SCCPDH: variants seen among roughly 807,000 people sequenced by gnomAD.
SCCPDH encodes saccharopine dehydrogenase-like oxidoreductase.
In SCCPDH, 34 loss-of-function variants were observed where a neutral mutation model predicts 51.5. The ratio of observed to expected loss-of-function variants is 0.66; its 90% CI spans 0.50 to 0.88. The LOEUF (loss-of-function observed/expected upper bound fraction) is 0.88, where lower values mean the gene tolerates loss of function less well. SCCPDH is among the 40% of genes least tolerant of loss of function. SCCPDH has a pLI of 0.00. For missense variants in SCCPDH, 464 were observed against 527.1 expected (o/e 0.88, Z 1.17); for synonymous variants, 187 against 191.3 (o/e 0.98, Z 0.19).
chr1:246,764,151 A>T, intron 9 of SCCPDH, 95 bp from the exon 10 acceptor site: 1 of 707,432 alleles, frequency 1.4e-6, no homozygotes, highest in Non-Finnish European at 2.5e-6. Flanking sequence ...TCATCTATTG[A>T]CAATGTCTCA....
At chr1:246,754,709 T>C (rs1260675918) in intron 5 of SCCPDH, among the ~76,000 whole-genome samples, 1 of 152,248 alleles carries the variant, frequency 6.6e-6, no homozygotes, top group Non-Finnish European at 1.5e-5. Context: ...CCGTTTCACC[T>C]AGGTTATCTA....
intron 5 of SCCPDH, among the ~76,000 whole-genome samples, chr1:246,748,040 C>T (rs1213985569): frequency 6.6e-6 from 1 of 152,120 alleles, no homozygotes; most frequent in African/African-American, 2.4e-5. Context: ...CCTACAATTT[C>T]CCCCCTTTCA....
At chr1:246,747,872 G>GTA (rs1397040741) in intron 5 of SCCPDH, among the ~76,000 whole-genome samples, 1 of 152,164 alleles carries the variant, frequency 6.6e-6, no homozygotes, top group Non-Finnish European at 1.5e-5. Flanking sequence ...ACTGAAACTA[G>GTA]GGTCAAGGAG....
chr1:246,762,046 C>G (rs150784924), intron 9 of SCCPDH, among the ~76,000 whole-genome samples: 1 of 152,298 alleles, frequency 6.6e-6, no homozygotes, highest in Non-Finnish European at 1.5e-5. Context: ...GCTTCCAAAC[C>G]GACATCTGTT....
intron 2 of SCCPDH, among the ~76,000 whole-genome samples, chr1:246,727,251 A>G (rs1255201002): frequency 6.6e-6 from 1 of 152,192 alleles, no homozygotes; most frequent in South Asian, 2.1e-4. Flanking sequence ...TACATCTGTG[A>G]TTGTCAGAAT....
intron 4 of SCCPDH, among the ~76,000 whole-genome samples, chr1:246,743,127 T>C (rs937812315): frequency 1.3e-5 from 2 of 152,094 alleles, no homozygotes; most frequent in Non-Finnish European, 2.9e-5. Flanking sequence ...TTTGACAAGG[T>C]GTTTTTCTGT....
intron 5 of SCCPDH, among the ~76,000 whole-genome samples, chr1:246,757,298 C>T (rs1444304412): frequency 1.5e-5 from 2 of 137,630 alleles, no homozygotes; most frequent in African/African-American, 2.7e-5. Context: ...GAGCTGAGAT[C>T]GTGCCATTGC....
intron 5 of SCCPDH, among the ~76,000 whole-genome samples, chr1:246,757,208 G>A (rs1668943618): frequency 6.6e-6 from 1 of 152,050 alleles, no homozygotes; most frequent in African/African-American, 2.4e-5. Flanking sequence ...GCCAGGCATG[G>A]TGGTGGGCAC....
chr1:246,753,836 G>A (rs1668891077), intron 5 of SCCPDH, among the ~76,000 whole-genome samples: 1 of 151,914 alleles, frequency 6.6e-6, no homozygotes, highest in East Asian at 1.9e-4. Context: ...GTGGGCTCCT[G>A]GGACAGTTCC....
At chr1:246,741,356 C>T (rs768730661) in intron 4 of SCCPDH, among the ~76,000 whole-genome samples, 6 of 152,130 alleles carry the variant, frequency 3.9e-5, no homozygotes, top group Non-Finnish European at 5.9e-5. Flanking sequence ...GAGACAGGAT[C>T]TTGCTCTGCC....
At position 246,763,362 on chromosome 1, in the gene SCCPDH, G is replaced by C. The variant is rs376184081; in HGVS notation, c.991-884G>C. On this transcript the variant is annotated intron_variant, in intron 9 of 11. Transcript: ENST00000366510. ...AGTGTGGGCGCCATAGCAGGAGATG[G>C]GACAGGTGTGGCATGTGTGTCTGAC... 2.4e-4 allele frequency among the ~76,000 whole-genome samples: 37 copies of C among 152,270 alleles called. No individual in the cohort carries two copies. The South Asian group carries it at 4.6e-3, about 19-fold the overall frequency.
chr1:246,730,413 T>C (rs1279339012), intron 2 of SCCPDH, among the ~76,000 whole-genome samples: 1 of 152,234 alleles, frequency 6.6e-6, no homozygotes, highest in African/African-American at 2.4e-5. Context: ...TCTAAATGCT[T>C]GAGGCCTCAG....
chr1:246,728,492 TC>T, intron 2 of SCCPDH, among the ~76,000 whole-genome samples: 1 of 152,128 alleles, frequency 6.6e-6, no homozygotes, highest in Non-Finnish European at 1.5e-5. Flanking sequence ...GAAAAATGTA[TC>T]CCCCTGCTAA....
chr1:246,736,395 C>T (rs938359770), intron 3 of SCCPDH, among the ~76,000 whole-genome samples: 3 of 152,066 alleles, frequency 2.0e-5, no homozygotes, highest in Admixed American at 6.6e-5. Flanking sequence ...ATTTTGAATT[C>T]CCTTTTAAAA....
At chr1:246,724,662 C>G in intron 1 of SCCPDH, 50 bp downstream of exon 1, 1 of 1,392,028 alleles carries the variant, frequency 7.2e-7, no homozygotes, top group Non-Finnish European at 9.3e-7. Flanking sequence ...GGCCGGGGAC[C>G]CCGCATCGCC....
intron 2 of SCCPDH, among the ~76,000 whole-genome samples, chr1:246,733,506 A>G (rs1572293906): frequency 6.6e-6 from 1 of 151,274 alleles, no homozygotes; most frequent in African/African-American, 2.4e-5. Context: ...ACACACACAC[A>G]CACACACTTT....
intron 11 of SCCPDH, among the ~76,000 whole-genome samples, chr1:246,766,962 A>G (rs571498114): frequency 7.2e-5 from 11 of 152,294 alleles, no homozygotes; most frequent in Admixed American, 7.2e-4. Flanking sequence ...TAGAATGGAA[A>G]CAGTATCTCC....
At chr1:246,753,761 C>T (rs1485980809) in intron 5 of SCCPDH, among the ~76,000 whole-genome samples, 1 of 151,582 alleles carries the variant, frequency 6.6e-6, no homozygotes. Context: ...TCTGAAAATC[C>T]TTTTTACATT....
At chr1:246,761,488 C>T (rs548605327) in intron 9 of SCCPDH, among the ~76,000 whole-genome samples, 1 of 152,324 alleles carries the variant, frequency 6.6e-6, no homozygotes, top group Admixed American at 6.5e-5. Flanking sequence ...GCCATCACCA[C>T]CATCCATGTC....
Sources: gnomAD v4.1 joint callset for allele counts (sites outside exome capture counted in the v4.1 genomes callset) on GRCh38, gnomAD v4.1.1 for gene constraint, MANE v1.5 for transcripts, NCBI Gene and HGNC (gene_info 2026-07-23, HGNC 2026-07-21) for gene names.